DNAAF11: variants seen among roughly 807,000 people sequenced by gnomAD.
DNAAF11 encodes the protein leucine rich repeat containing 6.
DNAAF11 carries 45 observed loss-of-function variants against 60.8 expected under a neutral mutation model. The observed-to-expected ratio is 0.74, with a 90% CI of 0.58 to 0.95. The LOEUF (loss-of-function observed/expected upper bound fraction) is 0.95, where lower values mean the gene tolerates loss of function less well. Ranked by LOEUF, DNAAF11 falls within the 40% of genes least tolerant of loss-of-function variation. The pLI is 0.00. For missense variants in DNAAF11, 546 were observed against 546.2 expected (o/e 1.00, Z 0.00); for synonymous variants, 191 against 183.5 (o/e 1.04, Z -0.33).
At chr8:132,650,315 C>T (rs1822874194) in intron 3 of DNAAF11, among the ~76,000 whole-genome samples, 1 of 149,254 alleles carries the variant, frequency 6.7e-6, no homozygotes, top group East Asian at 2.0e-4. Flanking sequence ...GGGAATTGAA[C>T]AATGAGAACA....
chr8:132,617,946 C>CT (rs1819345242), intron 7 of DNAAF11, among the ~76,000 whole-genome samples: 1 of 149,500 alleles, frequency 6.7e-6, no homozygotes, highest in Non-Finnish European at 1.5e-5. Context: ...GAAAAAACTA[C>CT]TTTAAAGTTC....
chr8:132,679,675 G>T (rs1465916828), upstream of DNAAF11, among the ~76,000 whole-genome samples: 1 of 152,136 alleles, frequency 6.6e-6, no homozygotes, highest in Non-Finnish European at 1.5e-5. Flanking sequence ...AATTAAACCA[G>T]GGGGTGGGTC....
chr8:132,612,568 C>G (rs1042853903), intron 8 of DNAAF11, among the ~76,000 whole-genome samples: 1 of 152,152 alleles, frequency 6.6e-6, no homozygotes, highest in African/African-American at 2.4e-5. Flanking sequence ...AACACTGTCC[C>G]TCTCCTTGAC....
intron 11 of DNAAF11, among the ~76,000 whole-genome samples, chr8:132,580,348 T>C (rs1815198738): frequency 6.6e-6 from 1 of 152,180 alleles, no homozygotes; most frequent in African/African-American, 2.4e-5. Context: ...CTGTGGTTCT[T>C]TGCAGGCATA....
the DNAAF11 span, among the ~76,000 whole-genome samples, chr8:132,685,656 C>G: frequency 6.6e-6 from 1 of 152,206 alleles, no homozygotes; most frequent in Admixed American, 6.5e-5. Context: ...TAGCCAGAAT[C>G]TTCTACAGTT....
At chr8:132,674,106 GAGGAGC>G (rs1825472042) in intron 1 of DNAAF11, among the ~76,000 whole-genome samples, 4 of 140,466 alleles carry the variant, frequency 2.8e-5, no homozygotes, top group Non-Finnish European at 3.1e-5. Flanking sequence ...GCAGGAGGAG[GAGGAGC>G]AGGAGGAGGA....
At chr8:132,629,283 A>G (rs1820569481) in intron 5 of DNAAF11, among the ~76,000 whole-genome samples, 1 of 152,114 alleles carries the variant, frequency 6.6e-6, no homozygotes, top group Non-Finnish European at 1.5e-5. Flanking sequence ...ATGATGAGAA[A>G]TTGCACACAT....
Position 132,573,175 on chromosome 8 carries a change from C to T in DNAAF11, c.1227-695G>A, listed in dbSNP as rs191148590. Among the ~76,000 whole-genome samples the T allele has an allele frequency of 2.5e-4, 38 of 151,238 alleles. 1 individual carries two copies. The East Asian group carries it at 6.2e-3, about 25-fold the overall frequency. ...AATCAGGTCTCTGGGCTGCGTTCCC[C>T]GCAATTTTGATTCAATAAGTCTGGT... On this transcript the variant is annotated intron_variant, in intron 11 of 11. Coordinates refer to ENST00000620350, the MANE Select transcript of DNAAF11 (RefSeq NM_012472.6).
At chr8:132,579,416 C>T (rs1025711160) in intron 11 of DNAAF11, among the ~76,000 whole-genome samples, 1 of 152,118 alleles carries the variant, frequency 6.6e-6, no homozygotes, top group African/African-American at 2.4e-5. Flanking sequence ...GCACATGCCC[C>T]ACTTGTACCA....
chr8:132,600,558 G>A (rs1015910442), intron 10 of DNAAF11, among the ~76,000 whole-genome samples: 47 of 152,206 alleles, frequency 3.1e-4, no homozygotes, highest in East Asian at 1.4e-3. Context: ...ACAGCATGGT[G>A]CTGGTACCAA....
chr8:132,612,309 A>T (rs532659317), intron 8 of DNAAF11, among the ~76,000 whole-genome samples: 10 of 152,340 alleles, frequency 6.6e-5, no homozygotes, highest in Admixed American at 6.5e-4. Flanking sequence ...AACAATTTTT[A>T]TAATAATAAT....
intron 11 of DNAAF11, among the ~76,000 whole-genome samples, chr8:132,581,103 G>T (rs1305612600): frequency 6.6e-6 from 1 of 151,940 alleles, no homozygotes; most frequent in Non-Finnish European, 1.5e-5. Context: ...CCCACAATGG[G>T]ACAAATTAAA....
chr8:132,643,603 G>C (rs1822072393), intron 3 of DNAAF11: 1 of 455,908 alleles, frequency 2.2e-6, no homozygotes, highest in African/African-American at 2.0e-5. Flanking sequence ...CACGGAGGGT[G>C]GGTAGGAGAA....
rs563436313 is a variant in DNAAF11 at position 132,601,383 on chromosome 8, G to T, written c.1140+8783C>A. ...AGTGTGGTGATTCTTCAAGGATCTAGAACTAGAAATACCATTTGACCCAGT... is the reference window on the plus strand; with the variant it reads ...AGTGTGGTGATTCTTCAAGGATCTATAACTAGAAATACCATTTGACCCAGT... On this transcript the variant is annotated intron_variant, in intron 10 of 11. Coordinates refer to ENST00000620350, the MANE Select transcript of DNAAF11 (RefSeq NM_012472.6). 5.3e-5 allele frequency among the ~76,000 whole-genome samples: 8 copies of T among 152,210 alleles called. No homozygotes were observed. In the East Asian group the frequency reaches 1.3e-3, roughly 26 times the overall value.
chr8:132,665,664 T>G (rs1050813058), intron 1 of DNAAF11, among the ~76,000 whole-genome samples: 4 of 152,126 alleles, frequency 2.6e-5, no homozygotes, highest in African/African-American at 9.7e-5. Context: ...GCAAATTAGT[T>G]CAACCCCTAT....
At chr8:132,621,612 T>C (rs188571769) in intron 7 of DNAAF11, among the ~76,000 whole-genome samples, 2 of 152,228 alleles carry the variant, frequency 1.3e-5, no homozygotes, top group African/African-American at 4.8e-5. Context: ...CTAAAGTCGA[T>C]TTCTGAACTC....
intron 6 of DNAAF11, among the ~76,000 whole-genome samples, chr8:132,623,373 A>C (rs542356981): frequency 6.6e-6 from 1 of 152,274 alleles, no homozygotes; most frequent in South Asian, 2.1e-4. Flanking sequence ...TGTTTTACAA[A>C]AAGACCCCAA....
At chr8:132,625,559 AC>A (rs1820179525) in intron 5 of DNAAF11, 105 bp from the exon 6 acceptor site, 2 of 851,344 alleles carry the variant, frequency 2.3e-6, no homozygotes, top group Non-Finnish European at 3.5e-6. Flanking sequence ...TGATCTTCTT[AC>A]CTTTGAATGA....
intron 10 of DNAAF11, among the ~76,000 whole-genome samples, chr8:132,593,404 A>G (rs1392960642): frequency 3.4e-5 from 5 of 146,546 alleles, no homozygotes; most frequent in African/African-American, 7.5e-5. Flanking sequence ...AAAATGACAA[A>G]TTGCTGTTGA....
Sources: gnomAD v4.1 joint callset for allele counts (sites outside exome capture counted in the v4.1 genomes callset) on GRCh38, gnomAD v4.1.1 for gene constraint, MANE v1.5 for transcripts, NCBI Gene and HGNC (gene_info 2026-07-23, HGNC 2026-07-21) for gene names.